Variants in HTR1F observed in about 807,000 individuals in gnomAD.
The protein encoded by HTR1F is 5-hydroxytryptamine (serotonin) receptor 1F, G protein-coupled.
A neutral mutation model predicts 24.0 loss-of-function variants in HTR1F; 17 were observed. The ratio of observed to expected loss-of-function variants is 0.71; its 90% confidence interval spans 0.48 to 1.06. The LOEUF (loss-of-function observed/expected upper bound fraction) is 1.06, where lower values mean the gene tolerates loss of function less well. Ranked by LOEUF, HTR1F falls within the 50% of genes least tolerant of loss-of-function variation. HTR1F has a pLI of 0.00. For synonymous variants in HTR1F, 186 were observed against 156.8 expected (o/e 1.19, Z -1.39); for missense variants, 391 against 427.8 (o/e 0.91, Z 0.76).
intron 2 of HTR1F, among the ~76,000 whole-genome samples, chr3:87,911,916 C>T (rs914940818): frequency 4.7e-4 from 71 of 152,080 alleles, no homozygotes; most frequent in African/African-American, 1.6e-3. Context: ...AGAAATATAC[C>T]TCAAAATAAT....
At chr3:87,872,182 A>C (rs1236742139) in intron 2 of HTR1F, among the ~76,000 whole-genome samples, 1 of 152,188 alleles carries the variant, frequency 6.6e-6, no homozygotes, top group Non-Finnish European at 1.5e-5. Flanking sequence ...AAAATCGCTA[A>C]GAAAGTTAAA....
intron 2 of HTR1F, among the ~76,000 whole-genome samples, chr3:87,989,450 T>C (rs1705768790): frequency 6.6e-6 from 1 of 152,210 alleles, no homozygotes; most frequent in Non-Finnish European, 1.5e-5. Context: ...TCTTATTCTA[T>C]CTTTTTAAAC....
chr3:87,836,293 C>A (rs1320172787), intron 2 of HTR1F, among the ~76,000 whole-genome samples: 4 of 152,058 alleles, frequency 2.6e-5, no homozygotes, highest in Non-Finnish European at 5.9e-5. Flanking sequence ...AGAGAATAGT[C>A]TCATTCATTG....
chr3:87,948,739 C>A (rs1704768938), intron 2 of HTR1F, among the ~76,000 whole-genome samples: 1 of 152,156 alleles, frequency 6.6e-6, no homozygotes, highest in Non-Finnish European at 1.5e-5. Context: ...CCTTGGCCTC[C>A]CAGCTTTGGG....
intron 2 of HTR1F, among the ~76,000 whole-genome samples, chr3:87,933,184 G>A (rs1426025866): frequency 2.6e-5 from 4 of 152,054 alleles, no homozygotes; most frequent in Admixed American, 2.0e-4. Context: ...CAATAAATTA[G>A]GTATTGATTG....
intron 2 of HTR1F, among the ~76,000 whole-genome samples, chr3:87,842,809 G>A (rs1298081371): frequency 6.6e-6 from 1 of 151,864 alleles, no homozygotes; most frequent in South Asian, 2.1e-4. Flanking sequence ...AGTATGTGAG[G>A]AACTGCCCCA....
chr3:87,909,177 G>A (rs1349700587), intron 2 of HTR1F, among the ~76,000 whole-genome samples: 1 of 151,956 alleles, frequency 6.6e-6, no homozygotes, highest in Non-Finnish European at 1.5e-5. Flanking sequence ...TTCCCCTGCT[G>A]TGCAAAGGAG....
intron 2 of HTR1F, among the ~76,000 whole-genome samples, chr3:87,890,162 A>C (rs1285922076): frequency 6.6e-6 from 1 of 152,220 alleles, no homozygotes. Context: ...CACAAGCTGC[A>C]TGTCATTGAT....
At chr3:87,865,358 A>G (rs1424109973) in intron 2 of HTR1F, among the ~76,000 whole-genome samples, 1 of 152,140 alleles carries the variant, frequency 6.6e-6, no homozygotes, top group African/African-American at 2.4e-5. Flanking sequence ...TAACAAGTGT[A>G]CCACTTGATG....
At position 87,802,500 on chromosome 3, in the gene HTR1F, C is replaced by T. The variant is rs1290935921; in HGVS notation, c.-160+9658C>T. ...CTAGAACTACAGGCCTGCACCACCA[C>T]GCCAGGCTAATTTTTCTGTTTTCCT... On this transcript the variant is annotated intron_variant, in intron 1 of 2. Transcript: ENST00000319595. Among the ~76,000 whole-genome samples, 7 of 151,760 alleles carry T rather than the reference C, an allele frequency of 4.6e-5. No individual in the cohort carries two copies. In the East Asian group the frequency reaches 5.9e-4, roughly 13 times the overall value.
intron 2 of HTR1F, among the ~76,000 whole-genome samples, chr3:87,877,594 G>GCT (rs1705698862): frequency 1.3e-5 from 2 of 152,018 alleles, no homozygotes. Context: ...CATGAAAAGG[G>GCT]CACTGTTATT....
chr3:87,874,135 A>C (rs1559614157), intron 2 of HTR1F, among the ~76,000 whole-genome samples: 1 of 152,150 alleles, frequency 6.6e-6, no homozygotes, highest in Non-Finnish European at 1.5e-5. Context: ...CAGAGCAATT[A>C]GGCAAGAAAA....
intron 2 of HTR1F, among the ~76,000 whole-genome samples, chr3:87,919,733 G>T (rs1403543951): frequency 6.6e-6 from 1 of 151,966 alleles, no homozygotes; most frequent in Non-Finnish European, 1.5e-5. Flanking sequence ...TGTTGGCGTG[G>T]ATGCAGTGGA....
At chr3:87,846,963 A>C (rs1403502777) in intron 2 of HTR1F, among the ~76,000 whole-genome samples, 1 of 151,810 alleles carries the variant, frequency 6.6e-6, no homozygotes, top group Non-Finnish European at 1.5e-5. Context: ...GTATATTCAG[A>C]AGTATCCATT....
intron 2 of HTR1F, among the ~76,000 whole-genome samples, chr3:87,894,022 T>A (rs1158996241): frequency 6.6e-6 from 1 of 151,938 alleles, no homozygotes; most frequent in Non-Finnish European, 1.5e-5. Context: ...CTTTTTTTTT[T>A]ATTTCCATAG....
chr3:87,981,839 A>G (rs1413420514), intron 2 of HTR1F, among the ~76,000 whole-genome samples: 7 of 152,200 alleles, frequency 4.6e-5, no homozygotes, highest in Non-Finnish European at 1.0e-4. Context: ...AGTGTGGCAG[A>G]CTAACAAGCA....
intron 2 of HTR1F, among the ~76,000 whole-genome samples, chr3:87,889,337 T>C (rs1210125103): frequency 6.6e-6 from 1 of 152,196 alleles, no homozygotes; most frequent in Non-Finnish European, 1.5e-5. Flanking sequence ...AAATTGTGAA[T>C]GACTAAATTT....
chr3:87,797,907 A>G (rs897108946), intron 1 of HTR1F, among the ~76,000 whole-genome samples: 3 of 152,180 alleles, frequency 2.0e-5, no homozygotes, highest in African/African-American at 4.8e-5. Context: ...CCCTTTAATA[A>G]GTGGTAGGGG....
At chr3:87,816,714 C>G (rs994344884) in intron 1 of HTR1F, among the ~76,000 whole-genome samples, 1 of 152,046 alleles carries the variant, frequency 6.6e-6, no homozygotes, top group African/African-American at 2.4e-5. Context: ...CACCTTCAGT[C>G]TGAATGAGCA....
Sources: gnomAD v4.1 joint callset for allele counts (sites outside exome capture counted in the v4.1 genomes callset) on GRCh38, gnomAD v4.1.1 for gene constraint, MANE v1.5 for transcripts, NCBI Gene and HGNC (gene_info 2026-07-23, HGNC 2026-07-21) for gene names.